Variants in PATZ1 observed in about 807,000 individuals in gnomAD.
PATZ1 encodes the protein POZ/BTB and AT hook containing zinc finger 1.
PATZ1 carries 9 observed loss-of-function variants against 46.2 expected under a neutral mutation model. That is an observed-to-expected ratio of 0.19 (90% CI 0.12 to 0.34). PATZ1 has a LOEUF of 0.34. Ranked by LOEUF, PATZ1 falls within the 10% of genes least tolerant of loss-of-function variation. PATZ1 has a pLI of 1.00. For missense variants in PATZ1, 632 were observed against 923.0 expected (o/e 0.68, Z 4.08); for synonymous variants, 426 against 378.6 (o/e 1.13, Z -1.45).
At position 31,346,106 on chromosome 22, in the gene PATZ1, G is replaced by C. The variant is rs2145832819; in HGVS notation, c.-504C>G. The C allele has an allele frequency of 6.6e-6, 1 of 152,110 alleles. No individual in the cohort carries two copies. Among genetic ancestry groups the C allele is most frequent in the East Asian group, 1.8e-4 (1 of 5,462 alleles). The allele number at this position is 152,110 out of a possible 1,614,324, so 9.4% of individuals were successfully genotyped here. ...CCCTGCAAAGCGCGAGCCGGGGCGG[G>C]GGCGCCGGAGCGGAGGAAACAAAAG... On this transcript the variant is annotated 5_prime_UTR_variant, in exon 1 of 5. Coordinates refer to ENST00000266269, the MANE Select transcript of PATZ1 (RefSeq NM_014323.3).
chr22:31,335,047 G>A (rs2049491221), intron 3 of PATZ1, among the ~76,000 whole-genome samples: 1 of 152,148 alleles, frequency 6.6e-6, no homozygotes, highest in Admixed American at 6.6e-5. Flanking sequence ...GCAGAACCTT[G>A]GGGACAGGCT....
chr22:31,326,918 C>T lies in PATZ1; in HGVS notation c.2037G>A (p.Gln679=), dbSNP rs749125837. 6.2e-7 allele frequency: 1 copy of T among 1,613,708 alleles called. No individual in the cohort carries two copies. The highest frequency in any genetic ancestry group is 8.5e-7 in the Non-Finnish European group (1 of 1,179,752). ...ATTTCCCTTCAGGCCCCATGGGCTG[C>T]TGGTCAACCTCAGGATCTACTAAAG... ...ASSLVDPEVD[Q]QPMGPEGK is the part of the protein sequence containing the mutation. The change falls in exon 5 of 5, where the codon CAG becomes CAA. Residue 679 remains glutamine, a synonymous_variant. Coordinates refer to ENST00000266269, the MANE Select transcript of PATZ1 (RefSeq NM_014323.3).
intron 2 of PATZ1, chr22:31,337,607 T>C (rs1408213983): frequency 2.6e-5 from 4 of 152,258 alleles, no homozygotes; most frequent in Non-Finnish European, 5.9e-5. Context: ...GGGAGGTGTT[T>C]CATGGGTTCT....
chr22:31,328,645 G>A lies in PATZ1; in HGVS notation c.1645+142C>T. On this transcript the variant is annotated intron_variant, in intron 4 of 4. Coordinates refer to ENST00000266269, the MANE Select transcript of PATZ1 (RefSeq NM_014323.3). The surrounding 1 kb of genome is among the most constrained non-coding windows in gnomAD (Gnocchi z 4.8). Reference sequence around the variant, plus strand: ...AGATACCCACTGTGACTTTTGTCCTGGAGGCCACTGCCACTCAGATCTCTG... The same window carrying A: ...AGATACCCACTGTGACTTTTGTCCTAGAGGCCACTGCCACTCAGATCTCTG... 1 of 716,010 alleles carries A rather than the reference G, an allele frequency of 1.4e-6. No individual in the cohort carries two copies. 44.4% of individuals were successfully genotyped at this position (716,010 alleles called of 1,614,324 possible).
intron 2 of PATZ1, among the ~76,000 whole-genome samples, chr22:31,338,404 A>C (rs1162725496): frequency 6.6e-6 from 1 of 152,256 alleles, no homozygotes. Flanking sequence ...CCAAAAGGGA[A>C]AGGTGAACAG....
chr22:31,335,527 G>GT, intron 3 of PATZ1, 165 bp downstream of exon 3: 1 of 627,016 alleles, frequency 1.6e-6, no homozygotes, highest in South Asian at 2.3e-5. Context: ...GAAGGAAGAG[G>GT]TAGCAAATAG....
At chr22:31,334,240 T>C (rs2145817449) in intron 3 of PATZ1, among the ~76,000 whole-genome samples, 1 of 152,206 alleles carries the variant, frequency 6.6e-6, no homozygotes, top group Admixed American at 6.5e-5. Context: ...GCCTGATAAC[T>C]CTCCCTGCAT....
chr22:31,341,172 GA>G (rs1470905733), intron 2 of PATZ1: 4 of 1,228,372 alleles, frequency 3.3e-6, no homozygotes, highest in Admixed American at 3.9e-5. Flanking sequence ...TGAAAGGGGG[GA>G]AAAGGCAAGA....
At chr22:31,339,100 T>C (rs1601493043) in intron 2 of PATZ1, among the ~76,000 whole-genome samples, 1 of 152,304 alleles carries the variant, frequency 6.6e-6, no homozygotes, top group Middle Eastern at 3.4e-3. Flanking sequence ...CTAAAGATGA[T>C]GGATAGCCAA....
At chr22:31,336,630 C>T (rs1407979397) in intron 2 of PATZ1, among the ~76,000 whole-genome samples, 6 of 151,334 alleles carry the variant, frequency 4.0e-5, no homozygotes, top group Admixed American at 4.0e-4. Flanking sequence ...CATGGTGAAA[C>T]CCCATCTCTA....
At chr22:31,340,259 CT>C (rs1464624325) in intron 2 of PATZ1, among the ~76,000 whole-genome samples, 13 of 152,334 alleles carry the variant, frequency 8.5e-5, no homozygotes, top group African/African-American at 2.9e-4. Context: ...TTCAGATGGC[CT>C]TTCTACTTAA....
Position 31,345,426 on chromosome 22 carries a change from C to A in PATZ1, c.177G>T (p.Leu59=). Residue 59 remains leucine, a synonymous_variant, in exon 1 of 5, where the codon CTG becomes CTT. Transcript: ENST00000266269. The surrounding 1 kb of genome is among the most constrained non-coding windows in gnomAD (Gnocchi z 7.4). ...DESFPAHRAV[L]AACSEYFESV... ...ACTCAAAGTACTCGCTGCAGGCGGC[C>A]AGCACGGCGCGGTGCGCTGGGAAGC... The A allele has an allele frequency of 6.2e-7, 1 of 1,612,476 alleles. No individual in the cohort carries two copies. Among genetic ancestry groups the A allele is most frequent in the Non-Finnish European group, 8.5e-7 (1 of 1,179,560 alleles).
chr22:31,341,437 T>C, intron 2 of PATZ1: 1 of 1,583,258 alleles, frequency 6.3e-7, no homozygotes, highest in Non-Finnish European at 8.6e-7. Flanking sequence ...AAGGCCCTGC[T>C]GCCCTCTGGG....
chr22:31,346,267 C>G lies in PATZ1; in HGVS notation c.-665G>C, dbSNP rs891516521. ...GCGGCGGCGGCAGAGTAGGCCCTTC[C>G]TCAGGCCGGGAGAAGGCGGCGGCGG... On this transcript the variant is annotated 5_prime_UTR_variant, in exon 1 of 5. Transcript: ENST00000266269. 6.4e-6 allele frequency: 1 copy of G among 156,520 alleles called. No homozygotes were observed. Among genetic ancestry groups the G allele is most frequent in the Admixed American group, 6.6e-5 (1 of 15,130 alleles). The allele number at this position is 156,520 out of a possible 1,614,324, so 9.7% of individuals were successfully genotyped here.
At position 31,345,305 on chromosome 22, in the gene PATZ1, C is replaced by T; in HGVS notation, c.298G>A (p.Gly100Ser). 1.2e-6 allele frequency: 2 copies of T among 1,611,156 alleles called. No individual in the cohort carries two copies. Among genetic ancestry groups the T allele is most frequent in the Non-Finnish European group, 1.7e-6 (2 of 1,178,164 alleles). ...GTGTGCATCTCCAGCTCCCGGCTGC[C>T]CCCGGCCCCGCCGCCTGGTGCTGCC... ...ATAAPGGGAG[G>S]SRELEMHTIS... Residue 100 changes from glycine (G) to serine (S), a missense_variant, in exon 1 of 5, where the codon GGC becomes AGC. Transcript: ENST00000266269. The surrounding 1 kb of genome is among the most constrained non-coding windows in gnomAD (Gnocchi z 7.4).
intron 3 of PATZ1, among the ~76,000 whole-genome samples, chr22:31,329,342 G>A (rs2049408310): frequency 6.6e-6 from 1 of 152,194 alleles, no homozygotes; most frequent in Non-Finnish European, 1.5e-5. Context: ...GAAGCCACAG[G>A]ATTCTAGCCA....
chr22:31,338,668 C>T (rs1461323462), intron 2 of PATZ1, among the ~76,000 whole-genome samples: 2 of 152,182 alleles, frequency 1.3e-5, no homozygotes, highest in Admixed American at 6.5e-5. Flanking sequence ...TGCCAGGCAG[C>T]GACCCAAAGA....
At chr22:31,341,100 C>T in intron 2 of PATZ1, 1 of 1,119,170 alleles carries the variant, frequency 8.9e-7, no homozygotes, top group African/African-American at 1.6e-5. Flanking sequence ...TGGCTAGTTC[C>T]CAGGAAGGCA....
rs762000458 is a variant in PATZ1 at position 31,345,363 on chromosome 22, C to T, written c.240G>A (p.Ala80=). 3.1e-6 allele frequency: 5 copies of T among 1,606,750 alleles called. No individual in the cohort carries two copies. Among genetic ancestry groups the T allele is most frequent in the East Asian group, 2.2e-5 (1 of 44,708 alleles). Residue 80 remains alanine, a synonymous_variant, in exon 1 of 5, where the codon GCG becomes GCA. Transcript: ENST00000266269. The surrounding 1 kb of genome is among the most constrained non-coding windows in gnomAD (Gnocchi z 7.4). ...FSAQLGDGGA[A]DGGPADVGGA... ...CCCCTACATCAGCCGGACCCCCGTCCGCAGCTCCGCCGTCGCCCAACTGGG... is the reference window on the plus strand; with the variant it reads ...CCCCTACATCAGCCGGACCCCCGTCTGCAGCTCCGCCGTCGCCCAACTGGG...
Sources: allele counts gnomAD v4.1 joint callset (sites outside exome capture counted in the v4.1 genomes callset), GRCh38; gene constraint gnomAD v4.1.1; non-coding constraint Gnocchi (gnomAD v3.1); transcripts MANE v1.5; gene names NCBI Gene and HGNC (gene_info 2026-07-23, HGNC 2026-07-21).